Variants in FDX1 observed in about 807,000 individuals in gnomAD.
FDX1 encodes ferredoxin 1.
Under a neutral mutation model 14.9 loss-of-function variants are expected in FDX1, and 9 were observed. The ratio of observed to expected loss-of-function variants is 0.60; its 90% CI spans 0.36 to 1.05. The LOEUF (loss-of-function observed/expected upper bound fraction) is 1.05. Among genes scored for constraint, FDX1 ranks in the 50% least tolerant of loss-of-function variants. The pLI, the probability that FDX1 is intolerant of heterozygous loss-of-function variation, is 0.01. For missense variants in FDX1, 204 were observed against 237.2 expected (o/e 0.86, Z 0.92); for synonymous variants, 92 against 99.4 (o/e 0.93, Z 0.44).
intron 2 of FDX1, among the ~76,000 whole-genome samples, chr11:110,442,763 G>C (rs562584760): frequency 6.6e-6 from 1 of 152,304 alleles, no homozygotes; most frequent in East Asian, 1.9e-4. Context: ...AGGCATGATT[G>C]GTTTTGAAAT....
At chr11:110,452,497 T>G (rs1294643243) in intron 2 of FDX1, among the ~76,000 whole-genome samples, 1 of 152,104 alleles carries the variant, frequency 6.6e-6, no homozygotes, top group East Asian at 1.9e-4. Flanking sequence ...TTGAGGGGCA[T>G]CTGGACCTGA....
In FDX1 at chr11:110,456,922, A is replaced by C. The variant is rs909437317; in HGVS notation, c.315A>C (p.Ala105=). 3 of 1,611,340 alleles carry C rather than the reference A, an allele frequency of 1.9e-6. No homozygotes were observed. Among genetic ancestry groups the C allele is most frequent in the African/African-American group, 2.7e-5 (2 of 74,844 alleles). The change falls in exon 3 of 4, where the codon GCA becomes GCC. Residue 105 remains alanine, a synonymous_variant. Coordinates refer to ENST00000260270, the MANE Select transcript of FDX1 (RefSeq NM_004109.5). ...ENNLDIDGFG[A]CEGTLACSTC... Reference sequence around the variant, plus strand: ...AGTGTTTGTTGCTTTTGTCAGGTGCATGTGAGGGAACCCTGGCTTGTTCAA... The same window carrying C: ...AGTGTTTGTTGCTTTTGTCAGGTGCCTGTGAGGGAACCCTGGCTTGTTCAA...
intron 2 of FDX1, among the ~76,000 whole-genome samples, chr11:110,449,603 C>A (rs1946473659): frequency 6.6e-6 from 1 of 152,044 alleles, no homozygotes; most frequent in Non-Finnish European, 1.5e-5. Flanking sequence ...AGTCACCATG[C>A]TGTTGCTATA....
intron 3 of FDX1, among the ~76,000 whole-genome samples, chr11:110,461,363 G>T (rs1453026617): frequency 1.3e-5 from 2 of 151,868 alleles, no homozygotes; most frequent in African/African-American, 4.8e-5. Context: ...AAGCATGGTG[G>T]TGCATGCCTG....
In FDX1 at chr11:110,430,216, T is replaced by C; in HGVS notation, c.96T>C (p.Ala32=). Residue 32 remains alanine (A), a synonymous_variant, in exon 1 of 4, where the codon GCT becomes GCC. Transcript: ENST00000260270. ...GGCTGCACCACGCTGGGTCCCGCGC[T>C]GGATCCAGCGGCCTGCTGAGGAACC... is the stretch of plus-strand genomic sequence containing the variant. ...GRWLHHAGSR[A]GSSGLLRNRG... is the part of the protein sequence containing the mutation. 8.2e-7 allele frequency: 1 copy of C among 1,212,326 alleles called. No homozygotes were observed. The highest frequency in any genetic ancestry group is 3.4e-5 in the East Asian group (1 of 29,570). The allele number at this position is 1,212,326 out of a possible 1,614,324, so 75.1% of individuals were successfully genotyped here.
chr11:110,442,159 G>GT (rs1206494370), intron 2 of FDX1, among the ~76,000 whole-genome samples: 1 of 152,226 alleles, frequency 6.6e-6, no homozygotes, highest in East Asian at 1.9e-4. Context: ...CCAGGCAGTA[G>GT]TTTTTTGCAG....
At chr11:110,448,886 C>T (rs1489789104) in intron 2 of FDX1, among the ~76,000 whole-genome samples, 1 of 152,166 alleles carries the variant, frequency 6.6e-6, no homozygotes, top group African/African-American at 2.4e-5. Context: ...TTTGTTACTG[C>T]AGCTAAAGAT....
chr11:110,458,170 A>G lies in FDX1; in HGVS notation c.440+1123A>G, dbSNP rs184887526. On this transcript the variant is annotated intron_variant, in intron 3 of 3. Transcript: ENST00000260270. ...CTGCTTGCTCTTTTATACAGTTACA[A>G]TTTGTAGATGCCTGTAATAGATAAT... Among the ~76,000 whole-genome samples the G allele has an allele frequency of 7.9e-5, 12 of 152,328 alleles. No homozygotes were observed. In the East Asian group the frequency reaches 2.3e-3, roughly 29 times the overall value.
intron 3 of FDX1, among the ~76,000 whole-genome samples, chr11:110,460,887 C>T (rs1946552307): frequency 6.6e-6 from 1 of 152,126 alleles, no homozygotes; most frequent in African/African-American, 2.4e-5. Context: ...TCCCAATGCC[C>T]AGAAAATAAG....
chr11:110,435,918 A>G lies in FDX1; in HGVS notation c.270A>G (p.Leu90=), dbSNP rs1265888261. 60 of 1,612,402 alleles carry G rather than the reference A, an allele frequency of 3.7e-5. No individual in the cohort carries two copies. Among genetic ancestry groups the G allele is most frequent in the Non-Finnish European group, 4.9e-5 (58 of 1,178,926 alleles). Residue 90 remains leucine (L), a synonymous_variant, in exon 2 of 4, where the codon CTA becomes CTG. Coordinates refer to ENST00000260270, the MANE Select transcript of FDX1 (RefSeq NM_004109.5). The part of the protein sequence containing the change: ...TTKGKVGDSL[L]DVVVENNLDI... ...AAGGAAAAGTTGGTGATTCTCTGCT[A>G]GATGTTGTGGTTGAAAATAATCTAG...
intron 2 of FDX1, among the ~76,000 whole-genome samples, chr11:110,445,926 C>T (rs1306687312): frequency 2.0e-5 from 3 of 152,136 alleles, no homozygotes; most frequent in African/African-American, 7.2e-5. Flanking sequence ...GAATTTAACA[C>T]TTCATATCAT....
At chr11:110,460,590 C>T (rs1946550493) in intron 3 of FDX1, among the ~76,000 whole-genome samples, 1 of 152,230 alleles carries the variant, frequency 6.6e-6, no homozygotes, top group Admixed American at 6.5e-5. Flanking sequence ...CCTCTCAGAG[C>T]CATTTGGCTT....
At chr11:110,456,787 G>A in intron 2 of FDX1, 131 bp from the exon 3 acceptor site, 2 of 907,022 alleles carry the variant, frequency 2.2e-6, no homozygotes, top group South Asian at 4.3e-5. Context: ...GGGATTACAG[G>A]TGTGAGCCAC....
intron 2 of FDX1, among the ~76,000 whole-genome samples, chr11:110,440,069 C>T (rs1946395724): frequency 6.6e-6 from 1 of 152,088 alleles, no homozygotes; most frequent in African/African-American, 2.4e-5. Context: ...CATAGGGGTG[C>T]TGATAATAGT....
At chr11:110,455,162 A>G (rs1225741707) in intron 2 of FDX1, among the ~76,000 whole-genome samples, 1 of 151,960 alleles carries the variant, frequency 6.6e-6, no homozygotes, top group Non-Finnish European at 1.5e-5. Flanking sequence ...GTGCACCACT[A>G]CACCCAGCTA....
chr11:110,454,151 T>C (rs1249490592), intron 2 of FDX1, among the ~76,000 whole-genome samples: 1 of 152,228 alleles, frequency 6.6e-6, no homozygotes, highest in African/African-American at 2.4e-5. Flanking sequence ...CAAATTCTTA[T>C]TAGAATAGTC....
At chr11:110,431,927 C>T (rs1296044878) in intron 1 of FDX1, among the ~76,000 whole-genome samples, 3 of 152,076 alleles carry the variant, frequency 2.0e-5, no homozygotes, top group East Asian at 3.8e-4. Flanking sequence ...CTGTAACTAC[C>T]GTAACTACTA....
intron 1 of FDX1, among the ~76,000 whole-genome samples, chr11:110,431,587 CT>C (rs754010586): frequency 9.9e-5 from 15 of 151,476 alleles, no homozygotes; most frequent in South Asian, 6.2e-4. Flanking sequence ...ACTTCCCCCC[CT>C]GTCTTTGACC....
chr11:110,461,496 TAAAAAA>T (rs59467093), intron 3 of FDX1, among the ~76,000 whole-genome samples: 2 of 106,370 alleles, frequency 1.9e-5, no homozygotes, highest in African/African-American at 7.4e-5. Flanking sequence ...GACCCTGTCT[TAAAAAA>T]AAAAAAAAAA....
Sources: gnomAD v4.1 joint callset for allele counts (sites outside exome capture counted in the v4.1 genomes callset) on GRCh38, gnomAD v4.1.1 for gene constraint, MANE v1.5 for transcripts, NCBI Gene and HGNC (gene_info 2026-07-23, HGNC 2026-07-21) for gene names.